Variants in ARL8B observed in about 807,000 individuals in gnomAD.
The protein encoded by ARL8B is ADP-ribosylation factor-like protein 8B.
Under a neutral mutation model 30.6 loss-of-function variants are expected in ARL8B, and 9 were observed. The observed-to-expected ratio is 0.29, with a 90% CI of 0.18 to 0.51. The LOEUF is 0.51. Ranked by LOEUF, ARL8B falls within the 20% of genes least tolerant of loss-of-function variation. ARL8B has a pLI of 0.97. For missense variants in ARL8B, 130 were observed against 227.2 expected, an observed-to-expected ratio of 0.57 and a Z score of 2.75; for synonymous variants, 74 against 76.0, an observed-to-expected ratio of 0.97 and a Z score of 0.14.
intron 1 of ARL8B, among the ~76,000 whole-genome samples, chr3:5,135,005 C>T (rs143825353): frequency 5.6e-4 from 86 of 152,264 alleles, no homozygotes; most frequent in African/African-American, 1.8e-3. Flanking sequence ...CACACCACCA[C>T]GCTTGGCTAA....
In ARL8B at chr3:5,172,743, A is replaced by G. The variant is rs764968133; in HGVS notation, c.372+3A>G. On this transcript the variant is annotated splice_donor_region_variant and intron_variant, in intron 4 of 6. Transcript: ENST00000256496. ...AACCACAGTTACAAGGAATTCCAGT[A>G]AGTATGGAATACTTGTTATTTTACA... 8 of 1,532,580 alleles carry G rather than the reference A, an allele frequency of 5.2e-6. No individual in the cohort carries two copies. In the East Asian group the frequency reaches 1.4e-4, roughly 26 times the overall value. The allele number at this position is 1,532,580 out of a possible 1,614,324, so 94.9% of individuals were successfully genotyped here. A position where few individuals can be genotyped will look rare whatever the true frequency, so the allele number is the denominator to read the frequency against.
rs1022971486 is a variant in ARL8B at position 5,168,134 on chromosome 3, A to G, written c.124-2369A>G. Among the ~76,000 whole-genome samples the G allele has an allele frequency of 2.6e-5, 4 of 152,092 alleles. No individual in the cohort carries two copies. In the East Asian group the frequency reaches 7.7e-4, roughly 29 times the overall value. On this transcript the variant is annotated intron_variant, in intron 1 of 6. Transcript: ENST00000256496. Reference sequence around the variant, plus strand: ...AGTGGCACAATCTTGTCTTAAAGTCATATCGTTCTTAAGATCTCAACCTCC... The same window carrying G: ...AGTGGCACAATCTTGTCTTAAAGTCGTATCGTTCTTAAGATCTCAACCTCC...
chr3:5,148,816 C>G (rs1398030394), intron 1 of ARL8B, among the ~76,000 whole-genome samples: 1 of 152,168 alleles, frequency 6.6e-6, no homozygotes, highest in East Asian at 1.9e-4. Context: ...TTCCTTTTGC[C>G]TGGTTCAAGG....
At chr3:5,167,246 C>T (rs1011882071) in intron 1 of ARL8B, among the ~76,000 whole-genome samples, 7 of 152,154 alleles carry the variant, frequency 4.6e-5, no homozygotes, top group African/African-American at 1.4e-4. Flanking sequence ...AGAATCACAG[C>T]GAGTGCCACG....
chr3:5,151,327 C>A (rs1017913610), intron 1 of ARL8B, among the ~76,000 whole-genome samples: 1 of 152,122 alleles, frequency 6.6e-6, no homozygotes, highest in East Asian at 1.9e-4. Flanking sequence ...CCTGTAGTCC[C>A]AGCTACTTGG....
rs201428024 is a variant in ARL8B, at chr3:5,173,431, C to T, written c.373-586C>T. Among the ~76,000 whole-genome samples the T allele has an allele frequency of 2.0e-5, 3 of 152,290 alleles. No individual in the cohort carries two copies. In the East Asian group the frequency reaches 5.8e-4, roughly 29 times the overall value. On this transcript the variant is annotated intron_variant, in intron 4 of 6. Coordinates refer to ENST00000256496, the MANE Select transcript of ARL8B (RefSeq NM_018184.3). ...GGTATTTTGGATAAGGGATAGTAAA[C>T]CTGTACTAAGAATAGCAGAATGCCG...
chr3:5,163,794 C>T lies in ARL8B; in HGVS notation c.124-6709C>T, dbSNP rs1034735203. Reference sequence around the variant, plus strand: ...CTGAGGCAGGAGAATTGCTTGAACCCGGGAGGCAGAGGTTGCAGTGAGCCG... The same window carrying T: ...CTGAGGCAGGAGAATTGCTTGAACCTGGGAGGCAGAGGTTGCAGTGAGCCG... On this transcript the variant is annotated intron_variant, in intron 1 of 6. Transcript: ENST00000256496. 1.6e-4 allele frequency among the ~76,000 whole-genome samples: 24 copies of T among 152,190 alleles called. No homozygotes were observed. The Middle Eastern group carries it at 0.01, about 65-fold the overall frequency.
chr3:5,135,166 G>A (rs1489030446), intron 1 of ARL8B, among the ~76,000 whole-genome samples: 1 of 151,922 alleles, frequency 6.6e-6, no homozygotes, highest in Non-Finnish European at 1.5e-5. Context: ...TTATTCTTTA[G>A]GCTAGTTAAC....
At chr3:5,137,844 T>C (rs2054341282) in intron 1 of ARL8B, among the ~76,000 whole-genome samples, 1 of 152,182 alleles carries the variant, frequency 6.6e-6, no homozygotes, top group Non-Finnish European at 1.5e-5. Context: ...CACCTCAGCC[T>C]CCCAAAGTGC....
rs531513417 is a variant in ARL8B, at chr3:5,135,887, C to T, written c.123+13299C>T. ...CTGCAACCTCCACCTCCCAGGTTCACGCGATTCTCCTGTCTCAGCCTCTCG... is the reference window on the plus strand; with the variant it reads ...CTGCAACCTCCACCTCCCAGGTTCATGCGATTCTCCTGTCTCAGCCTCTCG... On this transcript the variant is annotated intron_variant, in intron 1 of 6. Coordinates refer to ENST00000256496, the MANE Select transcript of ARL8B (RefSeq NM_018184.3). 2.5e-4 allele frequency among the ~76,000 whole-genome samples: 37 copies of T among 149,638 alleles called. 1 individual carries two copies. The highest frequency in any genetic ancestry group is 9.1e-4 in the African/African-American group (37 of 40,722).
chr3:5,146,239 A>G (rs1250105332), intron 1 of ARL8B, among the ~76,000 whole-genome samples: 1 of 152,198 alleles, frequency 6.6e-6, no homozygotes, highest in Non-Finnish European at 1.5e-5. Flanking sequence ...TTTTAGATCT[A>G]CCACACTGAA....
chr3:5,127,701 G>A (rs1490728859), intron 1 of ARL8B, among the ~76,000 whole-genome samples: 1 of 151,668 alleles, frequency 6.6e-6, no homozygotes, highest in African/African-American at 2.4e-5. Flanking sequence ...GTGAAACCCC[G>A]TCTCTACTAA....
chr3:5,152,436 TTCTA>T (rs1414099523), intron 1 of ARL8B, among the ~76,000 whole-genome samples: 2 of 152,312 alleles, frequency 1.3e-5, no homozygotes, highest in African/African-American at 2.4e-5. Flanking sequence ...GTGTTTGTCT[TTCTA>T]TCTTTTTACT....
intron 1 of ARL8B, among the ~76,000 whole-genome samples, chr3:5,145,349 CT>C (rs1351309901): frequency 5.3e-5 from 8 of 152,108 alleles, no homozygotes; most frequent in Non-Finnish European, 8.8e-5. Flanking sequence ...CATCTCCCGG[CT>C]TTTTGATTTA....
chr3:5,156,365 T>A (rs1242775379), intron 1 of ARL8B, among the ~76,000 whole-genome samples: 1 of 152,054 alleles, frequency 6.6e-6, no homozygotes, highest in Non-Finnish European at 1.5e-5. Context: ...GAAATCAGAC[T>A]CTCCCCCTTC....
At chr3:5,175,979 C>G (rs1251115195) in intron 6 of ARL8B, among the ~76,000 whole-genome samples, 1 of 152,136 alleles carries the variant, frequency 6.6e-6, no homozygotes, top group Non-Finnish European at 1.5e-5. Context: ...TCTGGATGGA[C>G]ATGACTTTTT....
Position 5,180,390 on chromosome 3 carries a change from C to T in ARL8B, c.*1677C>T, listed in dbSNP as rs1233309535. 6.6e-6 allele frequency: 1 copy of T among 152,254 alleles called. No homozygotes were observed. Among genetic ancestry groups the T allele is most frequent in the Non-Finnish European group, 1.5e-5 (1 of 68,042 alleles). The allele number at this position is 152,254 out of a possible 1,614,324, so 9.4% of individuals were successfully genotyped here. ...AATGAAGGGATATTTAAACTTGCTACTGTTGTTCAACACCATTAATGGTCA... is the reference window on the plus strand; with the variant it reads ...AATGAAGGGATATTTAAACTTGCTATTGTTGTTCAACACCATTAATGGTCA... On this transcript the variant is annotated 3_prime_UTR_variant, in exon 7 of 7. Transcript: ENST00000256496.
rs564620270 is a variant in ARL8B at position 5,154,573 on chromosome 3, A to G, written c.124-15930A>G. Among the ~76,000 whole-genome samples the G allele has an allele frequency of 3.3e-5, 5 of 152,182 alleles. No individual in the cohort carries two copies. The East Asian group carries it at 9.7e-4, about 29-fold the overall frequency. Reference sequence around the variant, plus strand: ...GTGTCTTCAAGATTTTTAAGTGTTCAGTGATGTTAAGTACCTTCATATTGA... The same window carrying G: ...GTGTCTTCAAGATTTTTAAGTGTTCGGTGATGTTAAGTACCTTCATATTGA... On this transcript the variant is annotated intron_variant, in intron 1 of 6. Coordinates refer to ENST00000256496, the MANE Select transcript of ARL8B (RefSeq NM_018184.3).
At chr3:5,160,121 T>C (rs529493300) in intron 1 of ARL8B, among the ~76,000 whole-genome samples, 2 of 152,334 alleles carry the variant, frequency 1.3e-5, no homozygotes, top group African/African-American at 4.8e-5. Context: ...ATGGCCGACC[T>C]TTGATTTTCA....
Sources: allele counts gnomAD v4.1 joint callset (sites outside exome capture counted in the v4.1 genomes callset), GRCh38; gene constraint gnomAD v4.1.1; transcripts MANE v1.5; gene names NCBI Gene and HGNC (gene_info 2026-07-23, HGNC 2026-07-21).